The following RBFOX1 variants were observed in gnomAD, a reference collection of about 807,000 sequenced individuals.
The protein encoded by RBFOX1 is RNA binding protein fox-1 homolog 1.
In RBFOX1, 8 loss-of-function variants were observed where a neutral mutation model predicts 57.7. That is an observed-to-expected ratio of 0.14 (90% CI 0.08 to 0.25). RBFOX1 has a LOEUF of 0.25. RBFOX1 is among the 10% of genes least tolerant of loss of function. The probability of loss-of-function intolerance (pLI) is 1.00; values close to 1 mark genes in which losing one functional copy is unlikely to be tolerated. For synonymous variants in RBFOX1, 326 were observed against 222.4 expected (o/e 1.47, Z -4.15); for missense variants, 611 against 548.5 (o/e 1.11, Z -1.14).
intron 1 of RBFOX1, among the ~76,000 whole-genome samples, chr16:5,369,513 G>A (rs565559228): frequency 4.6e-5 from 7 of 152,312 alleles, no homozygotes; most frequent in South Asian, 2.1e-4. Context: ...TGCTGAGGAC[G>A]TTCTCCGTGG....
chr16:6,409,651 A>C (rs2093395571), intron 2 of RBFOX1, among the ~76,000 whole-genome samples: 1 of 152,166 alleles, frequency 6.6e-6, no homozygotes, highest in Non-Finnish European at 1.5e-5. Flanking sequence ...TGAACAAAAT[A>C]ATATGGTCCC....
intron 3 of RBFOX1, among the ~76,000 whole-genome samples, chr16:6,741,156 G>A (rs920143450): frequency 6.6e-6 from 1 of 152,062 alleles, no homozygotes; most frequent in African/African-American, 2.4e-5. Flanking sequence ...TGGAACAATT[G>A]GCTATTTATA....
intron 4 of RBFOX1, among the ~76,000 whole-genome samples, chr16:7,283,600 A>T (rs1173952569): frequency 1.3e-5 from 2 of 151,988 alleles, no homozygotes; most frequent in Non-Finnish European, 2.9e-5. Context: ...CTCTCCCTAA[A>T]CACCACTCAG....
intron 4 of RBFOX1, among the ~76,000 whole-genome samples, chr16:7,391,873 C>A (rs940044873): frequency 6.6e-6 from 1 of 152,106 alleles, no homozygotes; most frequent in South Asian, 2.1e-4. Context: ...GATTCTTTTA[C>A]GTAGGCTGAG....
chr16:7,060,736 C>G (rs143117245), intron 4 of RBFOX1, among the ~76,000 whole-genome samples: 1 of 152,302 alleles, frequency 6.6e-6, no homozygotes, highest in Non-Finnish European at 1.5e-5. Context: ...ACGTATACAT[C>G]CTGGTGCTTG....
chr16:6,780,640 C>G (rs1052692179), intron 3 of RBFOX1, among the ~76,000 whole-genome samples: 1 of 139,468 alleles, frequency 7.2e-6, no homozygotes, highest in Non-Finnish European at 1.5e-5. Flanking sequence ...TCTTTTCTTT[C>G]TTTTATATAT....
At chr16:6,884,869 G>C (rs7187987) in intron 3 of RBFOX1, among the ~76,000 whole-genome samples, 76,637 of 152,052 alleles carry the variant, frequency 0.5, 19,623 homozygotes, top group East Asian at 0.73. Context: ...CTGCACTCCA[G>C]CCTGCATGGC....
At chr16:5,329,101 G>T (rs960868098) in intron 1 of RBFOX1, among the ~76,000 whole-genome samples, 1 of 152,182 alleles carries the variant, frequency 6.6e-6, no homozygotes, top group African/African-American at 2.4e-5. Context: ...CCATGGAGTA[G>T]TTTCCGTTAT....
intron 1 of RBFOX1, among the ~76,000 whole-genome samples, chr16:6,146,868 C>T (rs1286959671): frequency 1.3e-5 from 2 of 152,128 alleles, no homozygotes; most frequent in African/African-American, 4.8e-5. Flanking sequence ...GGCAGTAAAA[C>T]TGTTAGTATC....
chr16:5,747,852 G>A (rs2053046998), intron 3 of RBFOX1, among the ~76,000 whole-genome samples: 1 of 152,066 alleles, frequency 6.6e-6, no homozygotes, highest in Non-Finnish European at 1.5e-5. Flanking sequence ...TTTTTTGAAG[G>A]GTTTTTTGTG....
chr16:6,067,466 A>G lies in RBFOX1; in HGVS notation c.-127+47474A>G, dbSNP rs191319642. ...AATTCAAAGTTTCATTGAAAATAAG[A>G]TAGAAATAAATCACTAACCGTACTT... is the stretch of plus-strand genomic sequence containing the variant. On this transcript the variant is annotated intron_variant, in intron 1 of 15. Coordinates refer to ENST00000550418, the MANE Select transcript of RBFOX1 (RefSeq NM_018723.4). Among the ~76,000 whole-genome samples the G allele has an allele frequency of 3.9e-5, 6 of 152,354 alleles. No homozygotes were observed. The East Asian group carries it at 9.7e-4, about 25-fold the overall frequency.
intron 2 of RBFOX1, among the ~76,000 whole-genome samples, chr16:5,467,643 G>A (rs1254318811): frequency 6.6e-6 from 1 of 152,176 alleles, no homozygotes; most frequent in Non-Finnish European, 1.5e-5. Context: ...AGGTACCAGA[G>A]CTTGGCCATG....
chr16:5,694,744 A>G (rs1188367863), intron 3 of RBFOX1, among the ~76,000 whole-genome samples: 1 of 151,498 alleles, frequency 6.6e-6, no homozygotes, highest in East Asian at 1.9e-4. Flanking sequence ...CCCCACTATC[A>G]TCACACCATT....
chr16:6,568,803 C>G (rs977925686), intron 2 of RBFOX1, among the ~76,000 whole-genome samples: 2 of 152,124 alleles, frequency 1.3e-5, no homozygotes, highest in Non-Finnish European at 2.9e-5. Flanking sequence ...TGAGTCTTCT[C>G]TGACACCCAG....
chr16:5,393,432 G>A (rs569582989), intron 1 of RBFOX1, among the ~76,000 whole-genome samples: 50 of 152,312 alleles, frequency 3.3e-4, no homozygotes, highest in Non-Finnish European at 6.3e-4. Flanking sequence ...CCCTTCAGTG[G>A]TTAAGCAAAT....
chr16:6,945,689 A>G (rs911400114), intron 3 of RBFOX1, among the ~76,000 whole-genome samples: 15 of 152,078 alleles, frequency 9.9e-5, no homozygotes, highest in Admixed American at 7.2e-4. Flanking sequence ...TCAGGAGTTC[A>G]AGACCAGCCT....
chr16:7,462,448 G>A (rs902044720), intron 4 of RBFOX1, among the ~76,000 whole-genome samples: 1 of 152,202 alleles, frequency 6.6e-6, no homozygotes, highest in African/African-American at 2.4e-5. Flanking sequence ...CCAAGATCGT[G>A]CCATTGCACG....
intron 1 of RBFOX1, among the ~76,000 whole-genome samples, chr16:6,100,352 C>T (rs1311765180): frequency 1.3e-5 from 2 of 152,094 alleles, no homozygotes; most frequent in East Asian, 1.9e-4. Flanking sequence ...TTAGTAGAGA[C>T]GGGGTTTCAC....
intron 5 of RBFOX1, among the ~76,000 whole-genome samples, chr16:7,549,314 G>A (rs1241672064): frequency 6.6e-6 from 1 of 152,180 alleles, no homozygotes. Context: ...TTTGAAATGA[G>A]GTTATAAAGG....
Sources: allele counts gnomAD v4.1 joint callset (sites outside exome capture counted in the v4.1 genomes callset), GRCh38; gene constraint gnomAD v4.1.1; transcripts MANE v1.5; gene names NCBI Gene and HGNC (gene_info 2026-07-23, HGNC 2026-07-21).